DSPP: variants seen among roughly 807,000 people sequenced by gnomAD.
DSPP encodes the protein deafness, autosomal dominant 39.
DSPP carries 28 observed loss-of-function variants against 29.1 expected under a neutral mutation model. The ratio of observed to expected loss-of-function variants is 0.96; its 90% CI spans 0.71 to 1.32. The LOEUF is 1.32. DSPP is among the 40% of genes most tolerant of loss of function. The probability of loss-of-function intolerance (pLI) is 0.00; values close to 1 mark genes in which losing one functional copy is unlikely to be tolerated. For missense variants in DSPP, 1,281 were observed against 1,629.9 expected, an observed-to-expected ratio of 0.79 and a Z score of 3.69; for synonymous variants, 481 against 503.4, an observed-to-expected ratio of 0.96 and a Z score of 0.60.
chr4:87,612,601 CAAGT>C lies in DSPP; in HGVS notation c.419_422del (p.Val140AlafsTer46). The C allele has an allele frequency of 6.2e-7, 1 of 1,613,970 alleles. No homozygotes were observed. The highest frequency in any genetic ancestry group is 8.5e-7 in the Non-Finnish European group (1 of 1,179,968). The stretch of plus-strand genomic sequence containing the variant: ...CATCACAGCAAATGGCATCCAGGGA[CAAGT>C]AAGCATCATTGACAATGCTGGAGCC... On this transcript the variant is annotated frameshift_variant, in exon 4 of 5. Transcript: ENST00000651931. LOFTEE classifies it high-confidence loss of function.
In DSPP at chr4:87,616,682, AC is replaced by A; in HGVS notation, c.*115del. On this transcript the variant is annotated 3_prime_UTR_variant, in exon 5 of 5. Transcript: ENST00000651931. The stretch of plus-strand genomic sequence containing the variant: ...AGAAATAAACATAAGACGTATGTAA[AC>A]AAAAACAACTGGGGGAATCAAATCA... 6.6e-7 allele frequency: 1 copy of A among 1,505,494 alleles called. No homozygotes were observed. Among genetic ancestry groups the A allele is most frequent in the Non-Finnish European group, 9.0e-7 (1 of 1,110,954 alleles). 93.3% of individuals were successfully genotyped at this position (1,505,494 alleles called of 1,614,324 possible). A position where few individuals can be genotyped will look rare whatever the true frequency, so the allele number is the denominator to read the frequency against.
intron 2 of DSPP, among the ~76,000 whole-genome samples, chr4:87,611,474 A>C (rs561737840): frequency 6.6e-5 from 10 of 152,272 alleles, no homozygotes; most frequent in African/African-American, 2.2e-4. Context: ...CACTGTGGAA[A>C]ATTTGGAATA....
rs766366046 is a variant in DSPP, at chr4:87,616,415, C to T, written c.3753C>T (p.Asp1251=). 1 of 1,548,892 alleles carries T rather than the reference C, an allele frequency of 6.5e-7. No individual in the cohort carries two copies. The change falls in exon 5 of 5, where the codon GAC becomes GAT. Residue 1251 remains aspartate, a synonymous_variant. Transcript: ENST00000651931. ...SDSSDSSNSS[D]SSDSSDSSDS... Reference sequence around the variant, plus strand: ...GCAGTGACAGCAGCAACAGCAGTGACAGCAGCGACAGCAGTGATAGCAGTG... The same window carrying T: ...GCAGTGACAGCAGCAACAGCAGTGATAGCAGCGACAGCAGTGATAGCAGTG...
At position 87,615,918 on chromosome 4, in the gene DSPP, G is replaced by A. The variant is rs1727902201; in HGVS notation, c.3256G>A (p.Asp1086Asn). Residue 1086 changes from aspartate (D) to asparagine (N), a missense_variant, in exon 5 of 5, where the codon GAT becomes AAT. Physicochemically the swap from Asp to Asn is conservative, Grantham distance 23 (BLOSUM62 1). Around this residue, in one of 4 missense-constraint regions of DSPP, gnomAD observed 72 missense variants for 190.3 expected, o/e 0.38. Transcript: ENST00000651931. ...CAGCAGTGATAGCAGTGAAAGCAGTGATAGCAGTGACAGCAGCAATAGCAG... is the reference window on the plus strand; with the variant it reads ...CAGCAGTGATAGCAGTGAAAGCAGTAATAGCAGTGACAGCAGCAATAGCAG... ...SDSSDSSESS[D>N]SSDSSNSSDS... is the part of the protein sequence containing the mutation. The A allele has an allele frequency of 2.9e-6, 3 of 1,020,512 alleles. No individual in the cohort carries two copies. Among genetic ancestry groups the A allele is most frequent in the Non-Finnish European group, 2.7e-6 (2 of 736,384 alleles). The allele number at this position is 1,020,512 out of a possible 1,614,324, so 63.2% of individuals were successfully genotyped here.
chr4:87,611,036 T>TGTGTGTGC, intron 2 of DSPP, 77 bp downstream of exon 2: 1 of 909,546 alleles, frequency 1.1e-6, no homozygotes, highest in Non-Finnish European at 1.7e-6. Context: ...ATGTAGTGTG[T>TGTGTGTGC]GTGTGTGTGT....
Position 87,614,108 on chromosome 4 carries a change from C to G in DSPP, c.1446C>G (p.Asp482Glu). The G allele has an allele frequency of 6.2e-7, 1 of 1,614,148 alleles. No individual in the cohort carries two copies. The highest frequency in any genetic ancestry group is 8.5e-7 in the Non-Finnish European group (1 of 1,180,042). ...ATGATGATGCTAATTCAGAAAGTGA[C>G]AATAACAGCAGTAGCCGAGGAGATG... is the stretch of plus-strand genomic sequence containing the variant. ...NGNDDANSES[D>E]NNSSSRGDAS... The change falls in exon 5 of 5, where the codon GAC becomes GAG. Residue 482 changes from aspartate to glutamate, a missense_variant. Physicochemically the swap from Asp to Glu is conservative, Grantham distance 45. Around this residue, in one of 4 missense-constraint regions of DSPP, gnomAD observed 631 missense variants for 643.2 expected, o/e 0.98. Transcript: ENST00000651931.
Position 87,610,862 on chromosome 4 carries a change from C to A in DSPP, c.-28-19C>A. ...CCTTTACTTTATAAGTAATTTTGTG[C>A]TGTTCCTTTTTTATACAGCCATTGA... On this transcript the variant is annotated intron_variant, in intron 1 of 4. Transcript: ENST00000651931. 6.7e-7 allele frequency: 1 copy of A among 1,500,470 alleles called. No homozygotes were observed. Among genetic ancestry groups the A allele is most frequent in the Non-Finnish European group, 9.3e-7 (1 of 1,076,930 alleles). 92.9% of individuals were successfully genotyped at this position (1,500,470 alleles called of 1,614,324 possible).
chr4:87,614,180 C>A lies in DSPP; in HGVS notation c.1518C>A (p.Asp506Glu). The change falls in exon 5 of 5, where the codon GAC (aspartate) becomes GAA (glutamate). Residue 506 changes from aspartate (D) to glutamate (E), a missense_variant. Coordinates refer to ENST00000651931, the MANE Select transcript of DSPP (RefSeq NM_014208.3). ...DESKDNGNGS[D>E]SKGAEDDDSD... is the part of the protein sequence containing the mutation. ...CAAAAGATAATGGCAATGGCAGTGACTCAAAAGGAGCAGAAGATGATGACA... is the reference window on the plus strand; with the variant it reads ...CAAAAGATAATGGCAATGGCAGTGAATCAAAAGGAGCAGAAGATGATGACA... 1 of 1,614,156 alleles carries A rather than the reference C, an allele frequency of 6.2e-7. No homozygotes were observed. The highest frequency in any genetic ancestry group is 8.5e-7 in the Non-Finnish European group (1 of 1,180,030).
chr4:87,613,430 CT>C, intron 4 of DSPP, 122 bp downstream of exon 4: 2 of 1,234,534 alleles, frequency 1.6e-6, no homozygotes. Flanking sequence ...TATTACTTGA[CT>C]ATTTAAGGAA....
intron 3 of DSPP, 65 bp downstream of exon 3, chr4:87,612,253 C>G: frequency 6.2e-7 from 1 of 1,612,170 alleles, no homozygotes; most frequent in Non-Finnish European, 8.5e-7. Context: ...ATTAACTTCT[C>G]CAAGATTGCA....
At position 87,615,161 on chromosome 4, in the gene DSPP, CG is replaced by C. The variant is rs1560479171; in HGVS notation, c.2500del (p.Asp834IlefsTer480). The C allele has an allele frequency of 5.2e-6, 8 of 1,535,484 alleles. No individual in the cohort carries two copies. In the Admixed American group the frequency reaches 1.6e-4, roughly 31 times the overall value. ...ACAGCAGTAATAGTAGTGACAGCAG[CG>C]ATAGCAGCAACAGCAGTGATAGCAG... ...SDSSNSSDSS[D>X]SSNSSDSSDS... On this transcript the variant is annotated frameshift_variant, in exon 5 of 5. Transcript: ENST00000651931. LOFTEE classifies it low-confidence loss of function (END_TRUNC).
Position 87,612,899 on chromosome 4 carries a change from G to A in DSPP, c.713G>A (p.Gly238Asp), listed in dbSNP as rs199593367. The A allele has an allele frequency of 2.1e-4, 347 of 1,614,050 alleles. No homozygotes were observed. The highest frequency in any genetic ancestry group is 2.4e-4 in the Non-Finnish European group (279 of 1,180,036). The change falls in exon 4 of 5, where the codon GGC (glycine) becomes GAC (aspartate). Residue 238 changes from glycine to aspartate, a missense_variant. Physicochemically the swap from Gly to Asp is moderately conservative, Grantham distance 94. This residue lies in a region of DSPP where 631 missense variants were observed against 643.2 expected (regional missense o/e 0.98). Coordinates refer to ENST00000651931, the MANE Select transcript of DSPP (RefSeq NM_014208.3). ...EVTPGTGEDA[G>D]LDNSDGSPSG... is the part of the protein sequence containing the mutation. ...ACACCAGGCACTGGAGAAGATGCTG[G>A]CCTGGATAATTCCGATGGGAGTCCT... is the stretch of plus-strand genomic sequence containing the variant.
intron 2 of DSPP, 35 bp downstream of exon 2, chr4:87,610,994 T>G: frequency 6.3e-7 from 1 of 1,597,034 alleles, no homozygotes; most frequent in Non-Finnish European, 8.6e-7. Flanking sequence ...CTCTTCACTT[T>G]GTTATCTTTT....
Position 87,610,881 on chromosome 4 carries a change from C to G in DSPP, c.-28C>G. The G allele has an allele frequency of 6.3e-7, 1 of 1,585,100 alleles. No individual in the cohort carries two copies. Among genetic ancestry groups the G allele is most frequent in the South Asian group, 1.1e-5 (1 of 90,434 alleles). ...TTTGTGCTGTTCCTTTTTTATACAGCCATTGATTATTATTATTCCTAAAGA... is the reference window on the plus strand; with the variant it reads ...TTTGTGCTGTTCCTTTTTTATACAGGCATTGATTATTATTATTCCTAAAGA... On this transcript the variant is annotated splice_region_variant and 5_prime_UTR_variant, in exon 2 of 5. Coordinates refer to ENST00000651931, the MANE Select transcript of DSPP (RefSeq NM_014208.3).
In DSPP at chr4:87,614,017, G is replaced by C; in HGVS notation, c.1355G>C (p.Ser452Thr). The C allele has an allele frequency of 1.2e-6, 2 of 1,614,230 alleles. No individual in the cohort carries two copies. The highest frequency in any genetic ancestry group is 4.5e-5 in the East Asian group (2 of 44,884). ...GSDSNSDGYD[S>T]YDFDDKSMQG... ...GACAGCAATAGTGATGGATATGACA[G>C]TTATGATTTTGATGATAAGTCCATG... Residue 452 changes from serine to threonine, a missense_variant, in exon 5 of 5, where the codon AGT becomes ACT. Coordinates refer to ENST00000651931, the MANE Select transcript of DSPP (RefSeq NM_014208.3).
At chr4:87,608,893 T>C (rs1727684292) in intron 1 of DSPP, among the ~76,000 whole-genome samples, 1 of 152,192 alleles carries the variant, frequency 6.6e-6, no homozygotes, top group Non-Finnish European at 1.5e-5. Flanking sequence ...CTGGGCACTT[T>C]GATTAGTTTT....
At position 87,616,721 on chromosome 4, in the gene DSPP, C is replaced by A; in HGVS notation, c.*153C>A. On this transcript the variant is annotated 3_prime_UTR_variant, in exon 5 of 5. Coordinates refer to ENST00000651931, the MANE Select transcript of DSPP (RefSeq NM_014208.3). ...GGGAATCAAATCAAACAGTTGGATTCAGAACCAAGACCTAACTCCTGCAGA... is the reference window on the plus strand; with the variant it reads ...GGGAATCAAATCAAACAGTTGGATTAAGAACCAAGACCTAACTCCTGCAGA... The A allele has an allele frequency of 1.5e-6, 2 of 1,301,042 alleles. No individual in the cohort carries two copies. Among genetic ancestry groups the A allele is most frequent in the Non-Finnish European group, 2.1e-6 (2 of 940,122 alleles). 80.6% of individuals were successfully genotyped at this position (1,301,042 alleles called of 1,614,324 possible). A position where few individuals can be genotyped will look rare whatever the true frequency, so the allele number is the denominator to read the frequency against.
Position 87,614,514 on chromosome 4 carries a change from G to C in DSPP, c.1852G>C (p.Asp618His). ...SDSSDSSDSS[D>H]SSDSKSDSSK... Reference sequence around the variant, plus strand: ...TAGCAGTGACAGTAGTGATAGTAGTGACAGCAGTGACAGCAAGTCAGACAG... The same window carrying C: ...TAGCAGTGACAGTAGTGATAGTAGTCACAGCAGTGACAGCAAGTCAGACAG... Residue 618 changes from aspartate to histidine, a missense_variant, in exon 5 of 5, where the codon GAC becomes CAC. This residue lies in a region of DSPP where 444 missense variants were observed against 611.4 expected (regional missense o/e 0.73). Transcript: ENST00000651931. 1 of 1,551,370 alleles carries C rather than the reference G, an allele frequency of 6.4e-7. No individual in the cohort carries two copies. The highest frequency in any genetic ancestry group is 1.2e-5 in the South Asian group (1 of 84,038).
Position 87,614,738 on chromosome 4 carries a change from T to A in DSPP, c.2076T>A (p.Ser692Arg), listed in dbSNP as rs1178170039. The change falls in exon 5 of 5, where the codon AGT becomes AGA. Residue 692 changes from serine to arginine, a missense_variant. Transcript: ENST00000651931. ...DSSNSSDSSD[S>R]SDSSNSSESS... is the part of the protein sequence containing the mutation. ...GCAACAGCAGTGATAGTAGTGACAGTAGTGACAGCAGCAATAGCAGTGAGA... is the reference window on the plus strand; with the variant it reads ...GCAACAGCAGTGATAGTAGTGACAGAAGTGACAGCAGCAATAGCAGTGAGA... The A allele has an allele frequency of 5.6e-6, 8 of 1,428,020 alleles. No homozygotes were observed. Among genetic ancestry groups the A allele is most frequent in the Non-Finnish European group, 7.4e-6 (8 of 1,079,146 alleles). The allele number at this position is 1,428,020 out of a possible 1,614,324, so 88.5% of individuals were successfully genotyped here. A position where few individuals can be genotyped will look rare whatever the true frequency, so the allele number is the denominator to read the frequency against.
Sources: gnomAD v4.1 joint callset for allele counts (sites outside exome capture counted in the v4.1 genomes callset) on GRCh38, gnomAD v4.1.1 for gene constraint, gnomAD v4.1.1 regional missense constraint, MANE v1.5 for transcripts, NCBI Gene and HGNC (gene_info 2026-07-23, HGNC 2026-07-21) for gene names.